Variants in PCDHA3 observed in about 807,000 individuals in gnomAD.
PCDHA3 encodes the protein protocadherin alpha 3.
A neutral mutation model predicts 62.2 loss-of-function variants in PCDHA3; 41 were observed. The ratio of observed to expected loss-of-function variants is 0.66; its 90% confidence interval spans 0.51 to 0.86. PCDHA3 has a LOEUF of 0.86. PCDHA3 is among the 40% of genes least tolerant of loss of function. The probability of loss-of-function intolerance (pLI) is 0.00; values close to 1 mark genes in which losing one functional copy is unlikely to be tolerated. For synonymous variants in PCDHA3, 640 were observed against 555.4 expected (o/e 1.15, Z -2.14); for missense variants, 1,304 against 1,241.2 (o/e 1.05, Z -0.76).
At chr5:140,878,725 A>G (rs1230048195) in intron 1 of PCDHA3, among the ~76,000 whole-genome samples, 1 of 152,252 alleles carries the variant, frequency 6.6e-6, no homozygotes, top group African/African-American at 2.4e-5. Flanking sequence ...TAAAATTTCC[A>G]GCCTTATATC....
At chr5:140,975,523 A>T (rs1275717294) in intron 1 of PCDHA3, among the ~76,000 whole-genome samples, 1 of 152,196 alleles carries the variant, frequency 6.6e-6, no homozygotes, top group African/African-American at 2.4e-5. Flanking sequence ...TCTGCAGTGG[A>T]TATATTCTTA....
intron 2 of PCDHA3, among the ~76,000 whole-genome samples, chr5:140,979,612 G>A (rs1223690856): frequency 6.6e-6 from 1 of 152,042 alleles, no homozygotes; most frequent in Admixed American, 6.6e-5. Flanking sequence ...CTAGAGTAAC[G>A]GTATTAGTCT....
Position 140,802,683 on chromosome 5 carries a change from G to A in PCDHA3, c.1486G>A (p.Glu496Lys). 1 of 1,613,150 alleles carries A rather than the reference G, an allele frequency of 6.2e-7. No homozygotes were observed. The highest frequency in any genetic ancestry group is 2.2e-5 in the East Asian group (1 of 44,882). ...CGCCCTGGTGTCCTACTCGCTGGTG[G>A]AACGGCGGGTGGGGGAGCGCGCGCT... ...ENALVSYSLV[E>K]RRVGERALSS... The change falls in exon 1 of 4, where the codon GAA becomes AAA. Residue 496 changes from glutamate (E) to lysine (K), a missense_variant. Physicochemically the swap from Glu to Lys is moderately conservative, Grantham distance 56. Coordinates refer to ENST00000522353, the MANE Select transcript of PCDHA3 (RefSeq NM_018906.3).
At chr5:140,877,276 G>T (rs1038142877) in intron 1 of PCDHA3, 4 of 1,613,744 alleles carry the variant, frequency 2.5e-6, no homozygotes, top group Admixed American at 1.7e-5. Flanking sequence ...CGCTGACTCC[G>T]GCTATAACGC....
At chr5:140,952,009 G>A (rs780606946) in intron 1 of PCDHA3, among the ~76,000 whole-genome samples, 1 of 152,102 alleles carries the variant, frequency 6.6e-6, no homozygotes, top group African/African-American at 2.4e-5. Flanking sequence ...AGAATTATAG[G>A]CCCCATGCAA....
chr5:140,941,214 C>CTTCTTTCTTTCTTT (rs1554214039), intron 1 of PCDHA3, among the ~76,000 whole-genome samples: 1 of 122,414 alleles, frequency 8.2e-6, no homozygotes. Flanking sequence ...TTTCTTTCTT[C>CTTCTTTCTTTCTTT]CTTTCTTTCT....
chr5:140,998,942 T>C (rs1435302179), intron 3 of PCDHA3, among the ~76,000 whole-genome samples: 4 of 152,222 alleles, frequency 2.6e-5, no homozygotes, highest in Non-Finnish European at 5.9e-5. Flanking sequence ...ATGAAGAAAC[T>C]GTAAGTCAAT....
chr5:140,946,516 C>G (rs551838143), intron 1 of PCDHA3, among the ~76,000 whole-genome samples: 1 of 151,020 alleles, frequency 6.6e-6, no homozygotes, highest in Non-Finnish European at 1.5e-5. Context: ...AAGACCTATC[C>G]GCACTCCCAT....
intron 1 of PCDHA3, chr5:140,877,446 G>T: frequency 6.2e-7 from 1 of 1,613,856 alleles, no homozygotes; most frequent in Non-Finnish European, 8.5e-7. Flanking sequence ...GTGAGCCCGC[G>T]CTGACGTCCA....
intron 1 of PCDHA3, among the ~76,000 whole-genome samples, chr5:140,924,575 T>C (rs1255232429): frequency 6.6e-6 from 1 of 152,078 alleles, no homozygotes; most frequent in East Asian, 1.9e-4. Flanking sequence ...TTTTTAAATG[T>C]TTTCAAATAT....
At chr5:140,937,039 CTT>C (rs34994034) in intron 1 of PCDHA3, among the ~76,000 whole-genome samples, 9 of 140,130 alleles carry the variant, frequency 6.4e-5, no homozygotes, top group Admixed American at 7.1e-5. Context: ...TTCCATTTAT[CTT>C]TTTTTTTTTT....
chr5:140,922,176 CA>C (rs3836750), intron 1 of PCDHA3, among the ~76,000 whole-genome samples: 49,174 of 150,706 alleles, frequency 0.33, 8,259 homozygotes, highest in East Asian at 0.53. Context: ...GTACAGCAGA[CA>C]AAAAAAAAGT....
intron 1 of PCDHA3, chr5:140,823,005 C>A (rs2150121169): frequency 1.9e-6 from 3 of 1,614,228 alleles, no homozygotes; most frequent in South Asian, 1.1e-5. Flanking sequence ...TGCTGGACAG[C>A]GCCCTGGACC....
chr5:140,943,006 C>A (rs1314561126), intron 1 of PCDHA3, among the ~76,000 whole-genome samples: 2 of 151,932 alleles, frequency 1.3e-5, no homozygotes, highest in East Asian at 3.9e-4. Flanking sequence ...CCTGTAATCC[C>A]AGCACTTTGG....
intron 1 of PCDHA3, among the ~76,000 whole-genome samples, chr5:140,961,726 A>ACAAT (rs1470566144): frequency 1.4e-4 from 21 of 152,270 alleles, no homozygotes; most frequent in African/African-American, 4.8e-4. Flanking sequence ...GTGCTCATAA[A>ACAAT]CAATCACTTT....
In PCDHA3 at chr5:140,877,291, C is replaced by G. The variant is rs527823173; in HGVS notation, c.2394+73700C>G. On this transcript the variant is annotated intron_variant, in intron 1 of 3. Coordinates refer to ENST00000522353, the MANE Select transcript of PCDHA3 (RefSeq NM_018906.3). ...CGCTGACTCCGGCTATAACGCTTGG[C>G]TGTCCTACGAGTTGCAACCGGCGGC... 4 of 1,613,932 alleles carry G rather than the reference C, an allele frequency of 2.5e-6. No homozygotes were observed. In the African/African-American group the frequency reaches 4.0e-5, roughly 16 times the overall value.
At chr5:140,807,189 TGGA>T (rs1554123781) in intron 1 of PCDHA3, 2 of 1,613,036 alleles carry the variant, frequency 1.2e-6, no homozygotes, top group African/African-American at 2.7e-5. Context: ...GCACTAAAGA[TGGA>T]GTTTTCCTGG....
intron 1 of PCDHA3, among the ~76,000 whole-genome samples, chr5:140,840,315 T>C (rs2150305652): frequency 5.9e-5 from 9 of 152,012 alleles, no homozygotes; most frequent in Non-Finnish European, 1.2e-4. Context: ...TTAACTTTGG[T>C]CGACTCATTT....
chr5:140,812,494 G>T (rs2126639438), intron 1 of PCDHA3: 1 of 151,910 alleles, frequency 6.6e-6, no homozygotes, highest in East Asian at 1.9e-4. Context: ...CTTTATTATA[G>T]TATTTCCTCC....
Sources: allele counts gnomAD v4.1 joint callset (sites outside exome capture counted in the v4.1 genomes callset), GRCh38; gene constraint gnomAD v4.1.1; transcripts MANE v1.5; gene names NCBI Gene and HGNC (gene_info 2026-07-23, HGNC 2026-07-21).